Variants in BMPR2 observed in about 807,000 individuals in gnomAD.
BMPR2 encodes the protein bone morphogenetic protein receptor type-2.
In BMPR2, 29 loss-of-function variants were observed where a neutral mutation model predicts 100.8. The observed-to-expected ratio is 0.29, with a 90% confidence interval of 0.21 to 0.39. BMPR2 has a LOEUF of 0.39. Among genes scored for constraint, BMPR2 ranks in the 10% least tolerant of loss-of-function variants. BMPR2 has a pLI of 1.00. For synonymous variants in BMPR2, 382 were observed against 442.3 expected (o/e 0.86, Z 1.71); for missense variants, 1,011 against 1,274.5 (o/e 0.79, Z 3.15).
chr2:202,507,699 C>CTT (rs34200763), intron 3 of BMPR2, among the ~76,000 whole-genome samples: 5 of 142,170 alleles, frequency 3.5e-5, no homozygotes, highest in African/African-American at 1.1e-4. Context: ...CTTTTTTCAT[C>CTT]TTTTTTTTTT....
intron 1 of BMPR2, among the ~76,000 whole-genome samples, chr2:202,418,187 T>A (rs1481620519): frequency 1.3e-5 from 2 of 152,216 alleles, no homozygotes; most frequent in African/African-American, 4.8e-5. Flanking sequence ...TGAGGTATGC[T>A]TGTATTTCTT....
rs563682943 is a variant in BMPR2, at chr2:202,417,199, C to T, written c.76+39649C>T. 1.8e-4 allele frequency among the ~76,000 whole-genome samples: 27 copies of T among 150,256 alleles called. 1 individual carries two copies. Among genetic ancestry groups the T allele is most frequent in the Middle Eastern group, 3.7e-3 (1 of 268 alleles). On this transcript the variant is annotated intron_variant, in intron 1 of 12. Coordinates refer to ENST00000374580, the MANE Select transcript of BMPR2 (RefSeq NM_001204.7). ...TCGCCCAGGCTGGAGTGCAGTGGCACGATCTTGGCTCACTGCAACCTCTGC... is the reference window on the plus strand; with the variant it reads ...TCGCCCAGGCTGGAGTGCAGTGGCATGATCTTGGCTCACTGCAACCTCTGC...
chr2:202,421,477 TA>T (rs1360509607), intron 1 of BMPR2, among the ~76,000 whole-genome samples: 16 of 126,578 alleles, frequency 1.3e-4, no homozygotes, highest in Non-Finnish European at 2.4e-4. Context: ...TTTTTTTTTT[TA>T]AAACAAGTTT....
intron 10 of BMPR2, among the ~76,000 whole-genome samples, chr2:202,546,903 GTGTTTTGTTTTGTTT>G (rs112692454): frequency 0.021 from 2,959 of 141,830 alleles, 25 homozygotes; most frequent in African/African-American, 0.027. Context: ...TGCCCAGCCG[GTGTTTTGTTTTGTTT>G]TGTTTTGTTT....
intron 1 of BMPR2, among the ~76,000 whole-genome samples, chr2:202,412,515 TTCA>T (rs1691034309): frequency 6.6e-6 from 1 of 152,142 alleles, no homozygotes; most frequent in Non-Finnish European, 1.5e-5. Context: ...GAGATGGGGT[TTCA>T]CTGTGTTAGT....
chr2:202,388,744 C>T (rs1399938066), intron 1 of BMPR2, among the ~76,000 whole-genome samples: 5 of 148,548 alleles, frequency 3.4e-5, no homozygotes, highest in Non-Finnish European at 5.9e-5. Context: ...GCCGAGATTG[C>T]GCCACTGCAC....
intron 1 of BMPR2, among the ~76,000 whole-genome samples, chr2:202,459,669 A>G (rs1468883195): frequency 1.3e-5 from 2 of 152,218 alleles, no homozygotes; most frequent in Non-Finnish European, 2.9e-5. Flanking sequence ...AGCCTAGGCA[A>G]TACCATTCTG....
At chr2:202,383,830 G>C (rs1482487646) in intron 1 of BMPR2, among the ~76,000 whole-genome samples, 1 of 150,494 alleles carries the variant, frequency 6.6e-6, no homozygotes, top group Non-Finnish European at 1.5e-5. Flanking sequence ...CAGCCTGGGT[G>C]ACAGGGCGAG....
intron 1 of BMPR2, among the ~76,000 whole-genome samples, chr2:202,415,240 C>T (rs560501507): frequency 2.0e-5 from 3 of 152,086 alleles, no homozygotes; most frequent in Admixed American, 6.5e-5. Flanking sequence ...GAGGCCGAGG[C>T]GGGCAGATCA....
chr2:202,516,760 C>T (rs1476637836), intron 5 of BMPR2, among the ~76,000 whole-genome samples: 2 of 152,088 alleles, frequency 1.3e-5, no homozygotes, highest in East Asian at 1.9e-4. Flanking sequence ...TACTAGTTAA[C>T]CCATGGAATT....
intron 12 of BMPR2, among the ~76,000 whole-genome samples, chr2:202,559,319 A>G (rs566942019): frequency 6.6e-6 from 1 of 150,936 alleles, no homozygotes; most frequent in Non-Finnish European, 1.5e-5. Context: ...AAAAAAAAAA[A>G]TTTGATCCAC....
chr2:202,548,874 AC>A (rs1427430386), intron 10 of BMPR2, among the ~76,000 whole-genome samples: 2 of 152,172 alleles, frequency 1.3e-5, no homozygotes, highest in Non-Finnish European at 2.9e-5. Flanking sequence ...CAATTTTTGT[AC>A]ATTTAAAGAG....
chr2:202,527,054 A>G (rs1574492089), intron 7 of BMPR2, among the ~76,000 whole-genome samples: 1 of 152,022 alleles, frequency 6.6e-6, no homozygotes. Context: ...AGTAGAGACA[A>G]GGTTTCACCA....
At position 202,397,318 on chromosome 2, in the gene BMPR2, C is replaced by T. The variant is rs145925233; in HGVS notation, c.76+19768C>T. Among the ~76,000 whole-genome samples, 33 of 152,006 alleles carry T rather than the reference C, an allele frequency of 2.2e-4. No individual in the cohort carries two copies. The East Asian group carries it at 3.1e-3, about 14-fold the overall frequency. ...ACTAACCCCAATTTCAGAAATGTTG[C>T]GATGTGCAGTACATACATTATACAG... On this transcript the variant is annotated intron_variant, in intron 1 of 12. Transcript: ENST00000374580.
intron 1 of BMPR2, among the ~76,000 whole-genome samples, chr2:202,450,343 A>G (rs1294441751): frequency 6.6e-6 from 1 of 152,200 alleles, no homozygotes; most frequent in African/African-American, 2.4e-5. Flanking sequence ...ATACAGAAAT[A>G]TGTAAATTAA....
In BMPR2 at chr2:202,455,794, G is replaced by A. The variant is rs192498958; in HGVS notation, c.77-9015G>A. Among the ~76,000 whole-genome samples the A allele has an allele frequency of 1.3e-3, 192 of 151,826 alleles. 2 individuals carry two copies. The East Asian group carries it at 0.028, about 22-fold the overall frequency. On this transcript the variant is annotated intron_variant, in intron 1 of 12. Transcript: ENST00000374580. The stretch of plus-strand genomic sequence containing the variant: ...AAATTAAAGTAGTATTGCCAGGGGC[G>A]GTGGCTCACGCCTGTAATCCCAGCA...
chr2:202,472,881 A>G (rs1242473048), intron 3 of BMPR2, among the ~76,000 whole-genome samples: 1 of 152,172 alleles, frequency 6.6e-6, no homozygotes, highest in African/African-American at 2.4e-5. Context: ...CTCAATTTAT[A>G]TATTTTGTTC....
chr2:202,490,735 A>G (rs1216572614), intron 3 of BMPR2, among the ~76,000 whole-genome samples: 5 of 152,222 alleles, frequency 3.3e-5, no homozygotes, highest in African/African-American at 1.2e-4. Context: ...AGAGAACATA[A>G]AAGAATAGGA....
intron 3 of BMPR2, among the ~76,000 whole-genome samples, chr2:202,510,373 T>A (rs1000889752): frequency 1.3e-5 from 2 of 152,130 alleles, no homozygotes; most frequent in Non-Finnish European, 2.9e-5. Context: ...GCTGAGATCG[T>A]ACATCTGTGA....
Sources: gnomAD v4.1 joint callset for allele counts (sites outside exome capture counted in the v4.1 genomes callset) on GRCh38, gnomAD v4.1.1 for gene constraint, MANE v1.5 for transcripts, NCBI Gene and HGNC (gene_info 2026-07-23, HGNC 2026-07-21) for gene names.